Variants in PEPD observed in about 807,000 individuals in gnomAD.
PEPD encodes the protein peptidase D.
In PEPD, 53 loss-of-function variants were observed where a neutral mutation model predicts 60.7. The ratio of observed to expected loss-of-function variants is 0.87; its 90% CI spans 0.70 to 1.10. PEPD has a LOEUF of 1.10. PEPD is among the 50% of genes least tolerant of loss of function. The pLI, the probability that PEPD is intolerant of heterozygous loss-of-function variation, is 0.00. For missense variants in PEPD, 711 were observed against 711.9 expected, an observed-to-expected ratio of 1.00 and a Z score of 0.01; for synonymous variants, 267 against 284.1, an observed-to-expected ratio of 0.94 and a Z score of 0.60.
chr19:33,444,094 GT>G (rs1442025310), intron 9 of PEPD, among the ~76,000 whole-genome samples: 1 of 152,196 alleles, frequency 6.6e-6, no homozygotes, highest in East Asian at 1.9e-4. Context: ...TACAAAGTGT[GT>G]CCTCAGGCGG....
In PEPD at chr19:33,505,333, A is replaced by G. The variant is rs928421995; in HGVS notation, c.330-4332T>C. ...AGGATGTTAGCTGGTCAGAGACAAA[A>G]GCAGACCTCGCCACAGTGACGCAGG... On this transcript the variant is annotated intron_variant, in intron 3 of 14. Transcript: ENST00000244137. Among the ~76,000 whole-genome samples, 4 of 152,230 alleles carry G rather than the reference A, an allele frequency of 2.6e-5. 1 individual carries two copies. Among genetic ancestry groups the G allele is most frequent in the Admixed American group, 2.6e-4 (4 of 15,296 alleles).
At chr19:33,464,953 AC>A (rs1357186164) in intron 7 of PEPD, among the ~76,000 whole-genome samples, 3 of 152,136 alleles carry the variant, frequency 2.0e-5, no homozygotes, top group Non-Finnish European at 4.4e-5. Context: ...CATTCAGAGC[AC>A]CGGCCTGGGA....
chr19:33,507,952 GC>G (rs1970845091), intron 3 of PEPD, among the ~76,000 whole-genome samples: 1 of 152,100 alleles, frequency 6.6e-6, no homozygotes, highest in African/African-American at 2.4e-5. Context: ...CAGCTATGGG[GC>G]CAGATGCCCC....
intron 5 of PEPD, among the ~76,000 whole-genome samples, chr19:33,492,434 T>C (rs1428427274): frequency 6.6e-6 from 1 of 152,208 alleles, no homozygotes; most frequent in Non-Finnish European, 1.5e-5. Flanking sequence ...GGTGTATACA[T>C]TTATGGGGTA....
Position 33,464,033 on chromosome 19 carries a change from T to A in PEPD, c.578A>T (p.Glu193Val). ...CRVFKTDMEL[E>V]VLRYTNKISS... ...GATTTTATTGGTATAGCGCAGAACC[T>A]CCAGCTCCATATCCGTCTTAAACAC... Residue 193 changes from glutamate to valine, a missense_variant, in exon 8 of 15, where the codon GAG (glutamate) becomes GTG (valine). Coordinates refer to ENST00000244137, the MANE Select transcript of PEPD (RefSeq NM_000285.4). The A allele has an allele frequency of 6.2e-7, 1 of 1,613,336 alleles. No individual in the cohort carries two copies. The highest frequency in any genetic ancestry group is 8.5e-7 in the Non-Finnish European group (1 of 1,179,466).
At chr19:33,488,259 A>G (rs997455493) in intron 6 of PEPD, among the ~76,000 whole-genome samples, 1 of 152,074 alleles carries the variant, frequency 6.6e-6, no homozygotes, top group East Asian at 1.9e-4. Flanking sequence ...CATGCGGGCA[A>G]CTGTCACTGA....
intron 4 of PEPD, among the ~76,000 whole-genome samples, chr19:33,494,719 T>C (rs1970567859): frequency 1.3e-5 from 2 of 152,210 alleles, no homozygotes; most frequent in Non-Finnish European, 2.9e-5. Flanking sequence ...GGGGAGACAG[T>C]GCGGCAAACA....
intron 11 of PEPD, among the ~76,000 whole-genome samples, chr19:33,410,032 G>A (rs1042729340): frequency 2.0e-5 from 3 of 152,252 alleles, no homozygotes; most frequent in Non-Finnish European, 2.9e-5. Flanking sequence ...TACGCAGGGG[G>A]GACTGGGGAC....
chr19:33,419,538 A>C (rs1180736861), intron 9 of PEPD, among the ~76,000 whole-genome samples: 1 of 152,200 alleles, frequency 6.6e-6, no homozygotes, highest in Non-Finnish European at 1.5e-5. Context: ...TCGGGCTCGG[A>C]GTCCACGCAG....
intron 1 of PEPD, among the ~76,000 whole-genome samples, chr19:33,517,451 C>T (rs954054000): frequency 6.6e-6 from 1 of 151,736 alleles, no homozygotes; most frequent in Non-Finnish European, 1.5e-5. Flanking sequence ...CCCAGCCACT[C>T]GGGAGGCTGA....
At chr19:33,436,983 C>CTGGAG (rs796818038) in intron 9 of PEPD, among the ~76,000 whole-genome samples, 11 of 152,264 alleles carry the variant, frequency 7.2e-5, no homozygotes, top group African/African-American at 2.6e-4. Flanking sequence ...GGAAGACTTC[C>CTGGAG]TGGAGGAGGA....
At position 33,476,607 on chromosome 19, in the gene PEPD, T is replaced by C. The variant is rs193136116; in HGVS notation, c.548+1439A>G. ...CAACAGCCTCCTAACTTGCCACCTGTTCCCACACTTGCCCTACAGCTGGGT... is the reference window on the plus strand; with the variant it reads ...CAACAGCCTCCTAACTTGCCACCTGCTCCCACACTTGCCCTACAGCTGGGT... On this transcript the variant is annotated intron_variant, in intron 7 of 14. Transcript: ENST00000244137. Among the ~76,000 whole-genome samples, 319 of 152,280 alleles carry C rather than the reference T, an allele frequency of 2.1e-3. 1 individual carries two copies. The highest frequency in any genetic ancestry group is 3.2e-3 in the Non-Finnish European group (218 of 68,008).
At chr19:33,514,559 C>T (rs1170925612) in intron 1 of PEPD, among the ~76,000 whole-genome samples, 1 of 151,964 alleles carries the variant, frequency 6.6e-6, no homozygotes, top group African/African-American at 2.4e-5. Flanking sequence ...GATACACCCC[C>T]CTGCACTGTG....
chr19:33,490,487 C>G (rs974309889), intron 5 of PEPD, among the ~76,000 whole-genome samples: 10 of 152,196 alleles, frequency 6.6e-5, no homozygotes, highest in Non-Finnish European at 1.5e-4. Context: ...TCGAACCCAG[C>G]CCTTCTGGGG....
intron 4 of PEPD, among the ~76,000 whole-genome samples, chr19:33,493,580 C>T (rs544603964): frequency 2.0e-5 from 3 of 152,262 alleles, no homozygotes; most frequent in South Asian, 2.1e-4. Flanking sequence ...CGCTTCCCAC[C>T]GCACCGCCCT....
chr19:33,518,695 T>C (rs1971071821), intron 1 of PEPD, among the ~76,000 whole-genome samples: 1 of 152,130 alleles, frequency 6.6e-6, no homozygotes, highest in Non-Finnish European at 1.5e-5. Flanking sequence ...TTCATTCATT[T>C]CACCAAGCAC....
intron 9 of PEPD, among the ~76,000 whole-genome samples, chr19:33,439,280 T>C (rs146212848): frequency 0.011 from 1,729 of 152,304 alleles, 26 homozygotes; most frequent in South Asian, 0.071. Flanking sequence ...CTCCTGGCCT[T>C]CCTGCCCCCT....
intron 1 of PEPD, 97 bp downstream of exon 1, chr19:33,521,647 C>T (rs1010811387): frequency 5.2e-6 from 7 of 1,342,214 alleles, no homozygotes; most frequent in Admixed American, 3.9e-5. Flanking sequence ...CCGCGGCATT[C>T]AGCGACCCCG....
intron 9 of PEPD, among the ~76,000 whole-genome samples, chr19:33,431,712 G>A (rs755557418): frequency 1.8e-4 from 27 of 152,110 alleles, no homozygotes; most frequent in Non-Finnish European, 3.5e-4. Context: ...GGAAGATTAG[G>A]CAGGTCGTGG....
Sources: gnomAD v4.1 joint callset for allele counts (sites outside exome capture counted in the v4.1 genomes callset) on GRCh38, gnomAD v4.1.1 for gene constraint, MANE v1.5 for transcripts, NCBI Gene and HGNC (gene_info 2026-07-23, HGNC 2026-07-21) for gene names.